The following PTPRQ variants were observed in gnomAD, a reference collection of about 807,000 sequenced individuals.
PTPRQ encodes the protein phosphatidylinositol phosphatase PTPRQ.
PTPRQ carries 199 observed loss-of-function variants against 246.0 expected under a neutral mutation model. The observed-to-expected ratio is 0.81, with a 90% CI of 0.72 to 0.91. The LOEUF (loss-of-function observed/expected upper bound fraction) is 0.91. Among genes scored for constraint, PTPRQ ranks in the 40% least tolerant of loss-of-function variants. PTPRQ has a pLI of 0.00. For synonymous variants in PTPRQ, 869 were observed against 853.2 expected, an observed-to-expected ratio of 1.02 and a Z score of -0.32; for missense variants, 2,624 against 2,528.4, an observed-to-expected ratio of 1.04 and a Z score of -0.81.
At chr12:80,609,242 A>G (rs1319537702) in intron 27 of PTPRQ, among the ~76,000 whole-genome samples, 1 of 150,510 alleles carries the variant, frequency 6.6e-6, no homozygotes, top group Non-Finnish European at 1.5e-5. Context: ...TTTCCAGGAC[A>G]ACATTTACAA....
rs1055977108 is a variant in PTPRQ, at chr12:80,634,831, G to A, written c.5787-114G>A. On this transcript the variant is annotated intron_variant, in intron 34 of 44. Transcript: ENST00000644991. ...AAATTTGCAACATATTCAGAGAGGT[G>A]ATTTTAACAAGGAAATTATTTGACT... 6 of 1,426,912 alleles carry A rather than the reference G, an allele frequency of 4.2e-6. No individual in the cohort carries two copies. The South Asian group carries it at 9.3e-5, about 22-fold the overall frequency. 88.4% of individuals were successfully genotyped at this position (1,426,912 alleles called of 1,614,324 possible).
intron 23 of PTPRQ, 56 bp from the exon 24 acceptor site, chr12:80,546,500 T>C (rs781060084): frequency 1.8e-5 from 27 of 1,480,064 alleles, no homozygotes; most frequent in South Asian, 4.0e-5. Context: ...AAATATTCCA[T>C]TGATGAACAA....
In PTPRQ at chr12:80,495,048, G is replaced by T. The variant is rs775740717; in HGVS notation, c.1656G>T (p.Met552Ile). Residue 552 changes from methionine (M) to isoleucine (I), a missense_variant, in exon 11 of 45, where the codon ATG becomes ATT. Coordinates refer to ENST00000644991, the MANE Select transcript of PTPRQ (RefSeq NM_001145026.2). ...HMISVSAFTIMGEGPPTVLSV... is the reference protein window; with the variant it reads ...HMISVSAFTIIGEGPPTVLSV... Reference sequence around the variant, plus strand: ...TTAGTGTATCTGCTTTCACCATCATGGGAGAAGGACCACCAACAGTTCTCA... The same window carrying T: ...TTAGTGTATCTGCTTTCACCATCATTGGAGAAGGACCACCAACAGTTCTCA... 5.2e-6 allele frequency: 8 copies of T among 1,550,466 alleles called. No individual in the cohort carries two copies. In the South Asian group the frequency reaches 9.5e-5, roughly 18 times the overall value.
At chr12:80,666,365 T>C (rs1565849564) in intron 39 of PTPRQ, among the ~76,000 whole-genome samples, 3 of 151,942 alleles carry the variant, frequency 2.0e-5, no homozygotes, top group African/African-American at 7.2e-5. Flanking sequence ...CTGAAAAAGT[T>C]GATCTCGTGA....
At position 80,496,243 on chromosome 12, in the gene PTPRQ, C is replaced by G. The variant is rs1349073597; in HGVS notation, c.1991-7C>G. ...TAGGTACTACAAATGTTCTTTTCTT[C>G]CCCTAGAACCGGAATCATCACCTCA... On this transcript the variant is annotated splice_region_variant and splice_polypyrimidine_tract_variant and intron_variant, in intron 13 of 44. Coordinates refer to ENST00000644991, the MANE Select transcript of PTPRQ (RefSeq NM_001145026.2). The G allele has an allele frequency of 6.5e-7, 1 of 1,548,132 alleles. No individual in the cohort carries two copies. Among genetic ancestry groups the G allele is most frequent in the Non-Finnish European group, 8.7e-7 (1 of 1,145,978 alleles).
Position 80,542,888 on chromosome 12 carries a change from T to C in PTPRQ, c.3873+7T>C, listed in dbSNP as rs181362419. On this transcript the variant is annotated splice_region_variant and intron_variant, in intron 23 of 44. Coordinates refer to ENST00000644991, the MANE Select transcript of PTPRQ (RefSeq NM_001145026.2). Reference sequence around the variant, plus strand: ...TGACACTATATATTATAAGGTAGGTTGATTATAACAGTATATGTTTATTTT... The same window carrying C: ...TGACACTATATATTATAAGGTAGGTCGATTATAACAGTATATGTTTATTTT... 7.4e-3 allele frequency: 10,649 copies of C among 1,430,996 alleles called. 64 individuals are homozygous for C. Among genetic ancestry groups the C allele is most frequent in the Non-Finnish European group, 9.0e-3 (9,672 of 1,076,232 alleles). The allele number at this position is 1,430,996 out of a possible 1,614,324, so 88.6% of individuals were successfully genotyped here.
rs116975022 is a variant in PTPRQ at position 80,561,299 on chromosome 12, C to A, written c.4285+11565C>A. ...GCACTAACTTTGTTCTGATTAAGAA[C>A]AATTTACAATGGTCTCCACTGCTGG... On this transcript the variant is annotated intron_variant, in intron 25 of 44. Coordinates refer to ENST00000644991, the MANE Select transcript of PTPRQ (RefSeq NM_001145026.2). 8.1e-3 allele frequency: 1,227 copies of A among 152,278 alleles called. 6 individuals carry two copies. Among genetic ancestry groups the A allele is most frequent in the Middle Eastern group, 0.02 (6 of 294 alleles). The allele number at this position is 152,278 out of a possible 1,614,324, so 9.4% of individuals were successfully genotyped here.
intron 33 of PTPRQ, among the ~76,000 whole-genome samples, chr12:80,631,763 GT>G (rs1194975726): frequency 6.6e-6 from 1 of 152,210 alleles, no homozygotes. Flanking sequence ...CAGTAATGGA[GT>G]GTCCATCAAC....
intron 17 of PTPRQ, among the ~76,000 whole-genome samples, chr12:80,516,584 C>T (rs1895306432): frequency 6.6e-6 from 1 of 152,184 alleles, no homozygotes; most frequent in African/African-American, 2.4e-5. Context: ...TCTAATGCAG[C>T]TCTTTATTAA....
chr12:80,515,455 C>G (rs567396084), intron 17 of PTPRQ, among the ~76,000 whole-genome samples: 2 of 149,556 alleles, frequency 1.3e-5, no homozygotes, highest in South Asian at 2.1e-4. Context: ...GGGTCTCGCT[C>G]TGTTGCCCAG....
At chr12:80,515,742 CTT>C (rs34385655) in intron 17 of PTPRQ, among the ~76,000 whole-genome samples, 8 of 137,880 alleles carry the variant, frequency 5.8e-5, no homozygotes, top group Non-Finnish European at 7.7e-5. Context: ...CTGAATATTT[CTT>C]TTTTTTTTTT....
chr12:80,460,721 A>G lies in PTPRQ; in HGVS notation c.729A>G (p.Pro243=), dbSNP rs977581830. The part of the protein sequence containing the change: ...PSPTLGRVTP[P]SRTTHSSSTL... ...CAACCCTTGGTAGAGTTACACCTCCATCGCGTACCACACATTCATCAAGCA... is the reference window on the plus strand; with the variant it reads ...CAACCCTTGGTAGAGTTACACCTCCGTCGCGTACCACACATTCATCAAGCA... The change falls in exon 6 of 45, where the codon CCA becomes CCG. Residue 243 remains proline, a synonymous_variant. Coordinates refer to ENST00000644991, the MANE Select transcript of PTPRQ (RefSeq NM_001145026.2). The G allele has an allele frequency of 5.0e-6, 2 of 399,744 alleles. No homozygotes were observed. The highest frequency in any genetic ancestry group is 4.4e-5 in the Admixed American group (1 of 22,714). 24.8% of individuals were successfully genotyped at this position (399,744 alleles called of 1,614,324 possible).
intron 12 of PTPRQ, 37 bp downstream of exon 12, chr12:80,495,408 A>G: frequency 1.9e-6 from 2 of 1,074,906 alleles, no homozygotes; most frequent in Non-Finnish European, 2.5e-6. Context: ...GTTGTTGTTC[A>G]TTTTACATTT....
intron 6 of PTPRQ, among the ~76,000 whole-genome samples, chr12:80,463,413 C>T (rs1341732229): frequency 1.3e-5 from 2 of 152,016 alleles, no homozygotes; most frequent in African/African-American, 2.4e-5. Flanking sequence ...AAAGTGATGG[C>T]GAGAATGGAA....
chr12:80,559,110 T>G lies in PTPRQ; in HGVS notation c.4285+9376T>G, dbSNP rs187494513. Among the ~76,000 whole-genome samples, 143 of 152,284 alleles carry G rather than the reference T, an allele frequency of 9.4e-4. 2 individuals are homozygous for G. The highest frequency in any genetic ancestry group is 1.9e-4 in the East Asian group (1 of 5,184). ...CCCGGGGTGGAGTGCAGTGGCGCAA[T>G]CTCAGCTCACCGGAACCTCCGCCTC... On this transcript the variant is annotated intron_variant, in intron 25 of 44. Coordinates refer to ENST00000644991, the MANE Select transcript of PTPRQ (RefSeq NM_001145026.2).
chr12:80,479,000 C>A (rs1214755021), intron 8 of PTPRQ, among the ~76,000 whole-genome samples: 2 of 151,814 alleles, frequency 1.3e-5, no homozygotes, highest in African/African-American at 2.4e-5. Context: ...GGCAGGCCAA[C>A]GTTCAGATTC....
At chr12:80,494,253 C>G (rs981106194) in intron 10 of PTPRQ, among the ~76,000 whole-genome samples, 2 of 151,962 alleles carry the variant, frequency 1.3e-5, no homozygotes, top group Non-Finnish European at 2.9e-5. Flanking sequence ...CAGACATTCC[C>G]TTAAATATTT....
chr12:80,495,359 T>C lies in PTPRQ; in HGVS notation c.1870T>C (p.Phe624Leu), dbSNP rs1894583005. The C allele has an allele frequency of 1.3e-6, 2 of 1,511,352 alleles. No individual in the cohort carries two copies. The highest frequency in any genetic ancestry group is 2.6e-5 in the Admixed American group (1 of 39,088). The allele number at this position is 1,511,352 out of a possible 1,614,324, so 93.6% of individuals were successfully genotyped here. A position where few individuals can be genotyped will look rare whatever the true frequency, so the allele number is the denominator to read the frequency against. Residue 624 changes from phenylalanine (F) to leucine (L), a missense_variant, in exon 12 of 45, where the codon TTT becomes CTT. By Grantham distance (22) the Phe-to-Leu change is conservative. Coordinates refer to ENST00000644991, the MANE Select transcript of PTPRQ (RefSeq NM_001145026.2). ...AFQITTIDNS[F>L]LITGLKKYTK... is the part of the protein sequence containing the mutation. ...CCAGATAACTACCATAGATAACAGC[T>C]TTCTCATAACAGGTAGAAAACAATG...
At position 80,632,222 on chromosome 12, in the gene PTPRQ, T is replaced by A. The variant is rs1899466847; in HGVS notation, c.5717T>A (p.Ile1906Asn). ...GEGLSERTVEIILSVTLCILS... is the reference protein window; with the variant it reads ...GEGLSERTVENILSVTLCILS... ...GGACTTTCAGAAAGAACCGTAGAGA[T>A]CATTCTTTCCGTCACTTTGTGTATC... Residue 1906 changes from isoleucine to asparagine, a missense_variant, in exon 34 of 45, where the codon ATC becomes AAC. By Grantham distance (149) the Ile-to-Asn change is moderately radical. Transcript: ENST00000644991. 6.4e-7 allele frequency: 1 copy of A among 1,551,476 alleles called. No homozygotes were observed. The highest frequency in any genetic ancestry group is 1.2e-5 in the South Asian group (1 of 84,050).
Sources: gnomAD v4.1 joint callset for allele counts (sites outside exome capture counted in the v4.1 genomes callset) on GRCh38, gnomAD v4.1.1 for gene constraint, MANE v1.5 for transcripts, NCBI Gene and HGNC (gene_info 2026-07-23, HGNC 2026-07-21) for gene names.